EIF4G3: variants seen among roughly 807,000 people sequenced by gnomAD.
EIF4G3 encodes the protein eukaryotic translation initiation factor 4 gamma 3.
In EIF4G3, 34 loss-of-function variants were observed where a neutral mutation model predicts 186.4. The observed-to-expected ratio is 0.18, with a 90% CI of 0.14 to 0.24. The LOEUF (loss-of-function observed/expected upper bound fraction) is 0.24, where lower values mean the gene tolerates loss of function less well. Ranked by LOEUF, EIF4G3 falls within the 10% of genes least tolerant of loss-of-function variation. The pLI, the probability that EIF4G3 is intolerant of heterozygous loss-of-function variation, is 1.00. For synonymous variants in EIF4G3, 673 were observed against 679.5 expected, an observed-to-expected ratio of 0.99 and a Z score of 0.15; for missense variants, 1,536 against 1,948.5, an observed-to-expected ratio of 0.79 and a Z score of 3.99.
chr1:20,874,853 T>A (rs1226390950), intron 20 of EIF4G3, among the ~76,000 whole-genome samples: 7 of 152,216 alleles, frequency 4.6e-5, no homozygotes, highest in Non-Finnish European at 1.0e-4. Context: ...TATTTAATAA[T>A]CCCATAATGT....
chr1:20,933,074 T>A (rs2095388616), intron 14 of EIF4G3, among the ~76,000 whole-genome samples: 1 of 152,210 alleles, frequency 6.6e-6, no homozygotes, highest in African/African-American at 2.4e-5. Flanking sequence ...AGGATATGGA[T>A]ACCAGAAGAC....
chr1:20,904,071 A>G (rs1316412156), intron 15 of EIF4G3, among the ~76,000 whole-genome samples: 1 of 152,150 alleles, frequency 6.6e-6, no homozygotes, highest in Non-Finnish European at 1.5e-5. Context: ...CCTCACATTC[A>G]TCTCTTGGAC....
At chr1:20,842,274 T>G (rs930086149) in intron 29 of EIF4G3, among the ~76,000 whole-genome samples, 2 of 152,256 alleles carry the variant, frequency 1.3e-5, no homozygotes, top group African/African-American at 4.8e-5. Context: ...GTTATGTTGT[T>G]CAGATTCCTT....
intron 34 of EIF4G3, among the ~76,000 whole-genome samples, chr1:20,814,332 G>C (rs1341362399): frequency 2.6e-5 from 4 of 152,018 alleles, no homozygotes; most frequent in Non-Finnish European, 4.4e-5. Flanking sequence ...AAATAATTTG[G>C]CTATTGCCAG....
chr1:21,065,532 A>C (rs2095196864), intron 3 of EIF4G3, among the ~76,000 whole-genome samples: 2 of 151,976 alleles, frequency 1.3e-5, no homozygotes, highest in Non-Finnish European at 2.9e-5. Context: ...CCTGGGAGAC[A>C]GACTGAAACT....
chr1:21,089,854 C>T (rs2096126274), intron 2 of EIF4G3, among the ~76,000 whole-genome samples: 1 of 152,020 alleles, frequency 6.6e-6, no homozygotes, highest in South Asian at 2.1e-4. Flanking sequence ...CTGTACACTA[C>T]AACATACTTC....
intron 4 of EIF4G3, among the ~76,000 whole-genome samples, chr1:21,003,244 G>GC (rs2084073631): frequency 6.8e-6 from 1 of 146,398 alleles, no homozygotes; most frequent in Non-Finnish European, 1.5e-5. Context: ...CAGGCCTCAA[G>GC]CAATACTCCT....
chr1:20,904,064 C>T (rs2091333400), intron 15 of EIF4G3, among the ~76,000 whole-genome samples: 1 of 152,152 alleles, frequency 6.6e-6, no homozygotes, highest in African/African-American at 2.4e-5. Flanking sequence ...TTTTCTTCCT[C>T]ACATTCATCT....
intron 3 of EIF4G3, among the ~76,000 whole-genome samples, chr1:21,083,236 G>A (rs2095851161): frequency 6.6e-6 from 1 of 151,710 alleles, no homozygotes; most frequent in Non-Finnish European, 1.5e-5. Context: ...GTGAGACTCT[G>A]TTAAATAAAT....
In EIF4G3 at chr1:21,065,734, T is replaced by A. The variant is rs549438173; in HGVS notation, c.-195-14740A>T. 5.3e-5 allele frequency among the ~76,000 whole-genome samples: 8 copies of A among 152,328 alleles called. No homozygotes were observed. The East Asian group carries it at 1.5e-3, about 29-fold the overall frequency. On this transcript the variant is annotated intron_variant, in intron 3 of 36. Coordinates refer to ENST00000602326, the MANE Select transcript of EIF4G3 (RefSeq NM_001391906.1). ...GTAAGGACTTATCATGCTGATTTATTCAACACATTAAGATAATATTTATCA... is the reference window on the plus strand; with the variant it reads ...GTAAGGACTTATCATGCTGATTTATACAACACATTAAGATAATATTTATCA...
At chr1:21,095,509 C>G (rs1442114179) in intron 2 of EIF4G3, among the ~76,000 whole-genome samples, 1 of 152,058 alleles carries the variant, frequency 6.6e-6, no homozygotes, top group Non-Finnish European at 1.5e-5. Context: ...GATGGTGTCT[C>G]CCTATATTGC....
intron 4 of EIF4G3, among the ~76,000 whole-genome samples, chr1:21,010,662 C>G (rs6661116): frequency 0.37 from 56,179 of 151,980 alleles, 11,018 homozygotes; most frequent in Non-Finnish European, 0.43. Flanking sequence ...ATACATAGCC[C>G]ATGGCTAACA....
intron 33 of EIF4G3, 87 bp downstream of exon 33, chr1:20,825,013 G>T (rs78770525): frequency 7.5e-6 from 6 of 794,794 alleles, no homozygotes; most frequent in South Asian, 5.0e-5. Flanking sequence ...CAATTTTAAC[G>T]ACTGGAATAC....
At chr1:20,870,679 G>A in intron 20 of EIF4G3, among the ~76,000 whole-genome samples, 1 of 152,186 alleles carries the variant, frequency 6.6e-6, no homozygotes, top group East Asian at 1.9e-4. Flanking sequence ...TTGTACTTAA[G>A]TACAGATTTA....
chr1:20,835,998 T>C (rs146794018), intron 30 of EIF4G3, among the ~76,000 whole-genome samples: 2 of 151,990 alleles, frequency 1.3e-5, no homozygotes, highest in African/African-American at 4.8e-5. Context: ...ACCAAACACT[T>C]GAAGAAGAAC....
chr1:20,877,107 T>C (rs1340114159), intron 20 of EIF4G3, among the ~76,000 whole-genome samples: 1 of 151,518 alleles, frequency 6.6e-6, no homozygotes, highest in Non-Finnish European at 1.5e-5. Flanking sequence ...TCAAAGGCCA[T>C]TTTCATCAAT....
chr1:21,047,184 C>T (rs537949316), intron 4 of EIF4G3, among the ~76,000 whole-genome samples: 39 of 152,306 alleles, frequency 2.6e-4, no homozygotes, highest in African/African-American at 6.3e-4. Context: ...CTATTTTGAA[C>T]GCTCTTCTTT....
At chr1:20,995,167 A>G (rs1570600762) in intron 7 of EIF4G3, among the ~76,000 whole-genome samples, 1 of 152,338 alleles carries the variant, frequency 6.6e-6, no homozygotes, top group South Asian at 2.1e-4. Flanking sequence ...TTTCTTAGAG[A>G]ACAGAATTTC....
At chr1:20,845,499 A>T (rs1030903441) in intron 29 of EIF4G3, among the ~76,000 whole-genome samples, 1 of 152,058 alleles carries the variant, frequency 6.6e-6, no homozygotes. Flanking sequence ...CGTTTCTACT[A>T]AAAGTACAAA....
Sources: allele counts gnomAD v4.1 joint callset (sites outside exome capture counted in the v4.1 genomes callset), GRCh38; gene constraint gnomAD v4.1.1; transcripts MANE v1.5; gene names NCBI Gene and HGNC (gene_info 2026-07-23, HGNC 2026-07-21).